Variants in CACNA1C observed in about 807,000 individuals in gnomAD.
The protein encoded by CACNA1C is voltage-dependent L-type calcium channel subunit alpha-1C.
In CACNA1C, 30 loss-of-function variants were observed where a neutral mutation model predicts 229.0. The ratio of observed to expected loss-of-function variants is 0.13; its 90% CI spans 0.10 to 0.18. The LOEUF (loss-of-function observed/expected upper bound fraction) is 0.18. CACNA1C is among the 10% of genes least tolerant of loss of function. The pLI is 1.00. For missense variants in CACNA1C, 1,658 were observed against 2,845.0 expected (o/e 0.58, Z 9.49); for synonymous variants, 1,114 against 1,132.5 (o/e 0.98, Z 0.33).
intron 3 of CACNA1C, among the ~76,000 whole-genome samples, chr12:2,280,048 A>G (rs1194445475): frequency 6.6e-6 from 1 of 152,254 alleles, no homozygotes; most frequent in Non-Finnish European, 1.5e-5. Context: ...CATAAGCAGC[A>G]GATAGATGGG....
intron 3 of CACNA1C, among the ~76,000 whole-genome samples, chr12:2,264,539 C>G (rs2081569330): frequency 1.3e-5 from 2 of 152,286 alleles, no homozygotes; most frequent in African/African-American, 4.8e-5. Context: ...TGCAATCATG[C>G]CAAGTTGAGA....
chr12:2,098,039 G>T (rs990245801), intron 1 of CACNA1C, among the ~76,000 whole-genome samples: 7 of 152,222 alleles, frequency 4.6e-5, no homozygotes, highest in African/African-American at 1.7e-4. Context: ...GCCAGAGAAG[G>T]AACGTGATTT....
At chr12:2,492,907 G>A (rs1319292757) in intron 6 of CACNA1C, among the ~76,000 whole-genome samples, 3 of 152,186 alleles carry the variant, frequency 2.0e-5, no homozygotes, top group South Asian at 2.1e-4. Context: ...AGCAGAATGG[G>A]CAATAGAAAT....
At chr12:2,374,261 T>C (rs912266686) in intron 3 of CACNA1C, among the ~76,000 whole-genome samples, 1 of 152,270 alleles carries the variant, frequency 6.6e-6, no homozygotes, top group Non-Finnish European at 1.5e-5. Flanking sequence ...AGTAATGGAC[T>C]GTTGATTGCA....
At position 2,679,118 on chromosome 12, in the gene CACNA1C, T is replaced by C. The variant is rs2096981988; in HGVS notation, c.5092-326T>C. ...GTGCCCTGGAAACTCACTCCCAGCC[T>C]TCAGGGGCTTCACTGGAAACCTCCA... On this transcript the variant is annotated intron_variant, in intron 41 of 46. Coordinates refer to ENST00000399655, the MANE Select transcript of CACNA1C (RefSeq NM_000719.7). This position sits in a 1 kb window ranked among gnomAD's most constrained non-coding sequence, Gnocchi z 5.5. Among the ~76,000 whole-genome samples, 1 of 152,190 alleles carries C rather than the reference T, an allele frequency of 6.6e-6. No homozygotes were observed. The highest frequency in any genetic ancestry group is 6.5e-5 in the Admixed American group (1 of 15,284).
chr12:2,642,876 T>G (rs1460072940), intron 30 of CACNA1C, among the ~76,000 whole-genome samples: 1 of 152,216 alleles, frequency 6.6e-6, no homozygotes, highest in Non-Finnish European at 1.5e-5. Context: ...ATCAGTCTTG[T>G]TTAGTGTGTG....
intron 3 of CACNA1C, among the ~76,000 whole-genome samples, chr12:2,127,924 C>T (rs960450631): frequency 2.6e-5 from 4 of 152,138 alleles, no homozygotes; most frequent in South Asian, 2.1e-4. Context: ...CAGAGCTTTG[C>T]GTGCAATGTT....
intron 3 of CACNA1C, among the ~76,000 whole-genome samples, chr12:2,387,084 A>G (rs976351265): frequency 1.3e-5 from 2 of 152,204 alleles, no homozygotes; most frequent in Non-Finnish European, 2.9e-5. Context: ...TATTCATTCA[A>G]TAACATGCCA....
intron 3 of CACNA1C, among the ~76,000 whole-genome samples, chr12:2,359,952 G>A (rs1007334198): frequency 3.9e-5 from 6 of 152,090 alleles, no homozygotes; most frequent in East Asian, 1.9e-4. Context: ...GCACTGGGAC[G>A]GTGGTAGGGA....
rs983131905 is a variant in CACNA1C at position 2,677,684 on chromosome 12, C to T, written c.4957-49C>T. Reference sequence around the variant, plus strand: ...CCCGAGGCTGTGGCTGGCTGGGGAGCTTGGAGGAAAGGGAGCGTGGTCCTC... The same window carrying T: ...CCCGAGGCTGTGGCTGGCTGGGGAGTTTGGAGGAAAGGGAGCGTGGTCCTC... On this transcript the variant is annotated intron_variant, in intron 40 of 46. Coordinates refer to ENST00000399655, the MANE Select transcript of CACNA1C (RefSeq NM_000719.7). This position sits in a 1 kb window ranked among gnomAD's most constrained non-coding sequence, Gnocchi z 7.4. 96 of 1,581,408 alleles carry T rather than the reference C, an allele frequency of 6.1e-5. No individual in the cohort carries two copies. The highest frequency in any genetic ancestry group is 7.9e-5 in the Non-Finnish European group (92 of 1,164,042).
In CACNA1C at chr12:2,605,041, A is replaced by G. The variant is rs569780825; in HGVS notation, c.2961-40A>G. 2.7e-6 allele frequency: 4 copies of G among 1,466,396 alleles called. No individual in the cohort carries two copies. In the South Asian group the frequency reaches 4.5e-5, roughly 17 times the overall value. The allele number at this position is 1,466,396 out of a possible 1,614,324, so 90.8% of individuals were successfully genotyped here. On this transcript the variant is annotated intron_variant, in intron 22 of 46. Transcript: ENST00000399655. The surrounding 1 kb of genome is among the most constrained non-coding windows in gnomAD (Gnocchi z 6.2). ...CACATTATTTTTGCTCCCCCCAGAA[A>G]CAGGAGGAGCTTACTACCCTGCCTG...
chr12:2,552,331 GGTAA>G (rs2041769011), intron 10 of CACNA1C, among the ~76,000 whole-genome samples: 1 of 152,190 alleles, frequency 6.6e-6, no homozygotes. Context: ...ATAGGATTGG[GGTAA>G]GTGTTATGAA....
intron 3 of CACNA1C, among the ~76,000 whole-genome samples, chr12:2,122,236 G>A (rs988290954): frequency 2.0e-5 from 3 of 152,168 alleles, no homozygotes; most frequent in Admixed American, 6.5e-5. Context: ...TCTAAAGGAG[G>A]TGGTGGGGCT....
chr12:2,656,911 C>T (rs1022157858), intron 34 of CACNA1C, among the ~76,000 whole-genome samples: 2 of 152,136 alleles, frequency 1.3e-5, no homozygotes, highest in African/African-American at 2.4e-5. Context: ...CATTAGACTT[C>T]TCATTAACAA....
rs185713782 is a variant in CACNA1C, at chr12:2,011,715, A to G, written c.139+40514A>G. 1.5e-3 allele frequency among the ~76,000 whole-genome samples: 224 copies of G among 152,360 alleles called. 1 individual carries two copies. Among genetic ancestry groups the G allele is most frequent in the African/African-American group, 5.3e-3 (221 of 41,580 alleles). ...TTAGGTCAGGAAAGCAGCCCATTAA[A>G]GACTTTTTAACGTTAAATCAAAACT... On this transcript the variant is annotated intron_variant, in intron 1 of 46. Transcript: ENST00000682462.
At chr12:2,483,010 T>G (rs1463067106) in intron 5 of CACNA1C, among the ~76,000 whole-genome samples, 1 of 152,246 alleles carries the variant, frequency 6.6e-6, no homozygotes, top group African/African-American at 2.4e-5. Context: ...GGTTTCTGTC[T>G]TCTGAAGGCA....
At chr12:2,582,102 C>T (rs1202468638) in intron 14 of CACNA1C, among the ~76,000 whole-genome samples, 1 of 151,530 alleles carries the variant, frequency 6.6e-6, no homozygotes, top group African/African-American at 2.4e-5. Flanking sequence ...CACCACTGCA[C>T]ACTCTAGCCT....
Position 2,076,842 on chromosome 12 carries a change from G to C in CACNA1C, c.49+23231G>C, listed in dbSNP as rs191556570. ...GGGAGACCTCTGGCTCTTTAAACAC[G>C]CAGTTGCTGTGTGTGAAGGACACTG... is the stretch of plus-strand genomic sequence containing the variant. On this transcript the variant is annotated intron_variant, in intron 1 of 46. Transcript: ENST00000399655. Among the ~76,000 whole-genome samples, 745 of 152,262 alleles carry C rather than the reference G, an allele frequency of 4.9e-3. 18 individuals are homozygous for C. The highest frequency in any genetic ancestry group is 1.9e-3 in the Non-Finnish European group (129 of 68,030).
rs561661891 is a variant in CACNA1C at position 2,184,773 on chromosome 12, G to A, written c.477+64343G>A. 6.6e-5 allele frequency among the ~76,000 whole-genome samples: 10 copies of A among 152,292 alleles called. No homozygotes were observed. The East Asian group carries it at 1.3e-3, about 21-fold the overall frequency. The stretch of plus-strand genomic sequence containing the variant: ...AGACAGGCAAACAAGGCGCCGTGGA[G>A]AGGCAGGCAGAGAACCTTGCTTTCC... On this transcript the variant is annotated intron_variant, in intron 3 of 46. Transcript: ENST00000399655.
Sources: allele counts gnomAD v4.1 joint callset (sites outside exome capture counted in the v4.1 genomes callset), GRCh38; gene constraint gnomAD v4.1.1; non-coding constraint Gnocchi (gnomAD v3.1); transcripts MANE v1.5; gene names NCBI Gene and HGNC (gene_info 2026-07-23, HGNC 2026-07-21).